HNF4G: variants seen among roughly 807,000 people sequenced by gnomAD.
The protein encoded by HNF4G is hepatocyte nuclear factor 4 gamma, also known as hepatocyte nuclear factor 4-gamma.
A neutral mutation model predicts 50.9 loss-of-function variants in HNF4G; 21 were observed. The ratio of observed to expected loss-of-function variants is 0.41; its 90% CI spans 0.29 to 0.59. The LOEUF (loss-of-function observed/expected upper bound fraction) is 0.59. Among genes scored for constraint, HNF4G ranks in the 20% least tolerant of loss-of-function variants. The probability of loss-of-function intolerance (pLI) is 0.26; values close to 1 mark genes in which losing one functional copy is unlikely to be tolerated. For missense variants in HNF4G, 527 were observed against 559.4 expected (o/e 0.94, Z 0.58); for synonymous variants, 198 against 185.6 (o/e 1.07, Z -0.54).
chr8:75,511,360 G>A (rs898409241), intron 2 of HNF4G, among the ~76,000 whole-genome samples: 1 of 152,008 alleles, frequency 6.6e-6, no homozygotes, highest in African/African-American at 2.4e-5. Context: ...TAACATATAC[G>A]TTTGCCTTAA....
chr8:75,557,576 G>A (rs1027131751), intron 6 of HNF4G, among the ~76,000 whole-genome samples: 32 of 152,246 alleles, frequency 2.1e-4, no homozygotes, highest in African/African-American at 6.7e-4. Flanking sequence ...AGCTGAGATC[G>A]TGCCACTGCA....
intron 1 of HNF4G, among the ~76,000 whole-genome samples, chr8:75,466,495 T>C (rs955742134): frequency 2.6e-5 from 4 of 151,654 alleles, no homozygotes; most frequent in African/African-American, 9.7e-5. Flanking sequence ...CCTCTGTCCC[T>C]TCCTCCCTCT....
chr8:75,461,499 A>T (rs926912571), intron 1 of HNF4G, among the ~76,000 whole-genome samples: 1 of 152,160 alleles, frequency 6.6e-6, no homozygotes, highest in Non-Finnish European at 1.5e-5. Flanking sequence ...TCTATTTCAA[A>T]ACCCTTAATC....
At chr8:75,473,739 T>TG (rs1307050266) in intron 1 of HNF4G, among the ~76,000 whole-genome samples, 1 of 151,966 alleles carries the variant, frequency 6.6e-6, no homozygotes, top group Non-Finnish European at 1.5e-5. Flanking sequence ...GGATTGGAAC[T>TG]GGGGGGAGTA....
chr8:75,499,497 A>G (rs911113392), intron 2 of HNF4G, among the ~76,000 whole-genome samples: 5 of 151,966 alleles, frequency 3.3e-5, no homozygotes, highest in Admixed American at 3.3e-4. Flanking sequence ...ACAAAATTCC[A>G]GTTGTCTTTT....
At chr8:75,486,934 C>G (rs1294188255) in intron 1 of HNF4G, among the ~76,000 whole-genome samples, 5 of 152,020 alleles carry the variant, frequency 3.3e-5, no homozygotes, top group African/African-American at 1.2e-4. Flanking sequence ...CCTGGGAGAT[C>G]GAGGCGGCAG....
chr8:75,483,409 A>G (rs923607930), intron 1 of HNF4G, among the ~76,000 whole-genome samples: 2 of 152,160 alleles, frequency 1.3e-5, no homozygotes, highest in African/African-American at 4.8e-5. Context: ...ACATTAAGCA[A>G]GCAAAAGTGT....
Position 75,558,666 on chromosome 8 carries a change from T to C in HNF4G, c.882T>C (p.Asp294=). The change falls in exon 7 of 10, where the codon GAT becomes GAC. Residue 294 remains aspartate (D), a synonymous_variant. Transcript: ENST00000396423. ...GTTTAAAGGCAATTGTATTTTTTGA[T>C]CCAGGTTGGTTTTCAAAATTCCACT... ...YACLKAIVFF[D]PDAKGLSDPV... 1 of 1,610,496 alleles carries C rather than the reference T, an allele frequency of 6.2e-7. No individual in the cohort carries two copies. The highest frequency in any genetic ancestry group is 8.5e-7 in the Non-Finnish European group (1 of 1,178,930).
intron 2 of HNF4G, among the ~76,000 whole-genome samples, chr8:75,504,265 ACACAC>A (rs752494325): frequency 0.17 from 21,710 of 125,682 alleles, 2,561 homozygotes; most frequent in African/African-American, 0.37. Flanking sequence ...ACACACACAC[ACACAC>A]ACACACCAAA....
chr8:75,514,354 C>CTTTTTTTTTTTTTTTTTTTTTTTTT (rs36078375), intron 2 of HNF4G, among the ~76,000 whole-genome samples: 1 of 125,036 alleles, frequency 8.0e-6, no homozygotes, highest in Non-Finnish European at 1.6e-5. Flanking sequence ...TTTCTTCTTT[C>CTTTTTTTTTTTTTTTTTTTTTTTTT]TTTTTTTTTT....
chr8:75,558,952 G>C lies in HNF4G; in HGVS notation c.1038G>C (p.Thr346=). The part of the protein sequence containing the change: ...LLLLPTLQSI[T]WQMIEQIQFV... ...TCCTGCCCACACTGCAGAGCATCACGTGGCAAATGATTGAGCAAATACAGT... is the reference window on the plus strand; with the variant it reads ...TCCTGCCCACACTGCAGAGCATCACCTGGCAAATGATTGAGCAAATACAGT... The change falls in exon 8 of 10, where the codon ACG becomes ACC. Residue 346 remains threonine (T), a synonymous_variant. Transcript: ENST00000396423. 6.2e-7 allele frequency: 1 copy of C among 1,614,042 alleles called. No individual in the cohort carries two copies. Among genetic ancestry groups the C allele is most frequent in the Non-Finnish European group, 8.5e-7 (1 of 1,179,930 alleles).
intron 1 of HNF4G, among the ~76,000 whole-genome samples, chr8:75,458,430 C>A (rs1585861648): frequency 7.4e-6 from 1 of 134,258 alleles, no homozygotes. Context: ...GAGGGAAACT[C>A]TAAAGATAAA....
At chr8:75,417,903 A>G (rs975171913) in intron 1 of HNF4G, among the ~76,000 whole-genome samples, 2 of 152,080 alleles carry the variant, frequency 1.3e-5, no homozygotes, top group Non-Finnish European at 2.9e-5. Flanking sequence ...ATTAATTTTT[A>G]TCTAGTTTTG....
chr8:75,447,984 G>A (rs370874330), intron 1 of HNF4G, among the ~76,000 whole-genome samples: 8,558 of 78,504 alleles, frequency 0.11, 506 homozygotes, highest in Middle Eastern at 0.19. Context: ...ACATGCACAC[G>A]TATGTTTATT....
At position 75,543,854 on chromosome 8, in the gene HNF4G, TGTC is replaced by T; in HGVS notation, c.163_165del (p.Val55del). ...CAAGTATGAATACCACAGACAACGG[TGTC>T]AACTGTCTGTGTGCTATCTGTGGGG... On this transcript the variant is annotated inframe_deletion, in exon 2 of 10. Transcript: ENST00000396423. 1 of 1,612,990 alleles carries T rather than the reference TGTC, an allele frequency of 6.2e-7. No homozygotes were observed. Among genetic ancestry groups the T allele is most frequent in the South Asian group, 1.1e-5 (1 of 90,978 alleles).
intron 1 of HNF4G, among the ~76,000 whole-genome samples, chr8:75,416,427 T>C (rs1810636205): frequency 6.6e-6 from 1 of 152,200 alleles, no homozygotes; most frequent in African/African-American, 2.4e-5. Flanking sequence ...TGATTTGCTG[T>C]GTTTTCAAAA....
intron 1 of HNF4G, among the ~76,000 whole-genome samples, chr8:75,442,801 A>G (rs1811318153): frequency 6.6e-6 from 1 of 152,102 alleles, no homozygotes. Flanking sequence ...CCTGGTTTTT[A>G]AGGTGTTCAG....
intron 1 of HNF4G, among the ~76,000 whole-genome samples, chr8:75,425,478 A>G (rs1176570778): frequency 6.6e-6 from 1 of 151,278 alleles, no homozygotes; most frequent in Admixed American, 6.6e-5. Flanking sequence ...CTTTTAACAT[A>G]TATCCTTGTA....
In HNF4G at chr8:75,409,793, T is replaced by C. The variant is rs193096533; in HGVS notation, c.-144+1631T>C. Among the ~76,000 whole-genome samples the C allele has an allele frequency of 1.5e-3, 225 of 152,252 alleles. 1 individual carries two copies. Among genetic ancestry groups the C allele is most frequent in the African/African-American group, 5.1e-3 (213 of 41,548 alleles). ...TGAGCCACCCCACCCGGCCTGTTTT[T>C]ATTTGTTTTAAATTCTTGTTTTTTC... On this transcript the variant is annotated intron_variant, in intron 1 of 10. Coordinates refer to the HNF4G transcript ENST00000354370.
Sources: gnomAD v4.1 joint callset for allele counts (sites outside exome capture counted in the v4.1 genomes callset) on GRCh38, gnomAD v4.1.1 for gene constraint, MANE v1.5 for transcripts, NCBI Gene and HGNC (gene_info 2026-07-23, HGNC 2026-07-21) for gene names.